LATS1: variants seen among roughly 807,000 people sequenced by gnomAD.
The protein encoded by LATS1 is large tumor suppressor kinase 1.
LATS1 carries 25 observed loss-of-function variants against 106.6 expected under a neutral mutation model. The ratio of observed to expected loss-of-function variants is 0.23; its 90% CI spans 0.17 to 0.33. The LOEUF is 0.33. Ranked by LOEUF, LATS1 falls within the 10% of genes least tolerant of loss-of-function variation. The pLI is 1.00. For missense variants in LATS1, 1,040 were observed against 1,382.6 expected, an observed-to-expected ratio of 0.75 and a Z score of 3.93; for synonymous variants, 465 against 455.6, an observed-to-expected ratio of 1.02 and a Z score of -0.26.
intron 3 of LATS1, among the ~76,000 whole-genome samples, chr6:149,685,265 A>G (rs990191227): frequency 7.9e-5 from 12 of 152,122 alleles, no homozygotes; most frequent in Admixed American, 7.9e-4. Context: ...ATTTTTGAAG[A>G]GATATAATTT....
At position 149,674,935 on chromosome 6, in the gene LATS1, G is replaced by A. The variant is rs150532438; in HGVS notation, c.2883+1325C>T. Among the ~76,000 whole-genome samples the A allele has an allele frequency of 2.1e-4, 32 of 151,954 alleles. 1 individual carries two copies. The South Asian group carries it at 4.6e-3, about 22-fold the overall frequency. ...AATAAAGTGCTGGGATTACAGACAT[G>A]AGCCATCATGTCTGGCCCTCAAAGA... On this transcript the variant is annotated intron_variant, in intron 7 of 7. Coordinates refer to ENST00000543571, the MANE Select transcript of LATS1 (RefSeq NM_004690.4).
intron 5 of LATS1, among the ~76,000 whole-genome samples, chr6:149,679,322 C>T (rs918818397): frequency 1.3e-5 from 2 of 151,982 alleles, no homozygotes; most frequent in African/African-American, 2.4e-5. Context: ...GTGGCTGAGA[C>T]AGGTGGATCA....
chr6:149,718,085 C>G lies in LATS1; in HGVS notation c.-377G>C. ...CATTTTGCCTTCCACTCAGTGTCGCCGCCGCCGCACTCCGCTGCAGGTTTC... is the reference window on the plus strand; with the variant it reads ...CATTTTGCCTTCCACTCAGTGTCGCGGCCGCCGCACTCCGCTGCAGGTTTC... On this transcript the variant is annotated 5_prime_UTR_variant, in exon 1 of 8. Coordinates refer to ENST00000543571, the MANE Select transcript of LATS1 (RefSeq NM_004690.4). The G allele has an allele frequency of 6.7e-6, 2 of 297,404 alleles. No homozygotes were observed. The highest frequency in any genetic ancestry group is 4.8e-5 in the South Asian group (2 of 41,826). The allele number at this position is 297,404 out of a possible 1,614,324, so 18.4% of individuals were successfully genotyped here.
chr6:149,661,998 C>T lies in LATS1; in HGVS notation c.3124G>A (p.Val1042Ile). 6.2e-7 allele frequency: 1 copy of T among 1,614,116 alleles called. No homozygotes were observed. Among genetic ancestry groups the T allele is most frequent in the Non-Finnish European group, 8.5e-7 (1 of 1,180,022 alleles). The change falls in exon 8 of 8, where the codon GTT (valine) becomes ATT (isoleucine). Residue 1042 changes from valine to isoleucine, a missense_variant. Physicochemically the swap from Val to Ile is conservative, Grantham distance 29. Transcript: ENST00000543571. ...HPTDTSNFDP[V>I]DPDKLWSDDN... is the part of the protein sequence containing the mutation. ...TCACTCCATAATTTATCAGGATCAA[C>T]AGGATCAAAATTTGATGTATCTGTT... is the stretch of plus-strand genomic sequence containing the variant.
intron 1 of LATS1, among the ~76,000 whole-genome samples, chr6:149,711,559 A>T (rs904568398): frequency 6.6e-6 from 1 of 151,388 alleles, no homozygotes; most frequent in Admixed American, 6.6e-5. Flanking sequence ...ACAAAATGAA[A>T]TTTTTTTTTC....
At chr6:149,701,727 T>C (rs1783470620) in intron 2 of LATS1, 52 bp downstream of exon 2, 1 of 1,361,678 alleles carries the variant, frequency 7.3e-7, no homozygotes, top group Non-Finnish European at 1.0e-6. Flanking sequence ...CAAAAAGTGT[T>C]ATGTAGCATA....
chr6:149,695,440 GAGGTGGTC>G (rs1279488335), intron 2 of LATS1, among the ~76,000 whole-genome samples: 2 of 151,940 alleles, frequency 1.3e-5, no homozygotes, highest in Admixed American at 6.6e-5. Flanking sequence ...TTGGGAGGCC[GAGGTGGTC>G]AGATCACTTA....
chr6:149,664,928 G>C (rs1319149251), intron 7 of LATS1, among the ~76,000 whole-genome samples: 2 of 152,112 alleles, frequency 1.3e-5, no homozygotes, highest in African/African-American at 4.8e-5. Flanking sequence ...TGAGCACAGA[G>C]AGCTCTAGGA....
intron 2 of LATS1, among the ~76,000 whole-genome samples, chr6:149,695,512 C>T (rs1312935889): frequency 1.3e-5 from 2 of 151,836 alleles, no homozygotes; most frequent in East Asian, 3.9e-4. Context: ...CCAGTCTCTG[C>T]AAAAAAACAC....
At chr6:149,694,398 C>T (rs1259817701) in intron 3 of LATS1, among the ~76,000 whole-genome samples, 1 of 152,134 alleles carries the variant, frequency 6.6e-6, no homozygotes, top group Non-Finnish European at 1.5e-5. Flanking sequence ...GTGGCAGGAT[C>T]ACCCGGGCTT....
At chr6:149,695,500 A>G (rs1783008231) in intron 2 of LATS1, among the ~76,000 whole-genome samples, 1 of 151,984 alleles carries the variant, frequency 6.6e-6, no homozygotes, top group African/African-American at 2.4e-5. Flanking sequence ...ATGGTAAAAA[A>G]CCCAGTCTCT....
chr6:149,671,398 T>C (rs142407626), intron 7 of LATS1, among the ~76,000 whole-genome samples: 1 of 152,124 alleles, frequency 6.6e-6, no homozygotes, highest in East Asian at 1.9e-4. Flanking sequence ...CCTCCCAAAG[T>C]GCTAGGATTA....
chr6:149,717,148 T>A (rs537019428), intron 1 of LATS1, among the ~76,000 whole-genome samples: 1 of 152,342 alleles, frequency 6.6e-6, no homozygotes, highest in African/African-American at 2.4e-5. Flanking sequence ...AAAGCCGTAT[T>A]AACATATGAG....
intron 3 of LATS1, among the ~76,000 whole-genome samples, chr6:149,685,033 C>T (rs560056189): frequency 2.2e-4 from 33 of 151,918 alleles, no homozygotes; most frequent in Non-Finnish European, 1.9e-4. Flanking sequence ...GCCAGGAGTT[C>T]GAGACCAGCC....
chr6:149,660,690 T>C lies in LATS1; in HGVS notation c.*1039A>G. 8.7e-6 allele frequency: 2 copies of C among 230,346 alleles called. No individual in the cohort carries two copies. The highest frequency in any genetic ancestry group is 1.7e-5 in the Non-Finnish European group (2 of 116,280). 14.3% of individuals were successfully genotyped at this position (230,346 alleles called of 1,614,324 possible). A position where few individuals can be genotyped will look rare whatever the true frequency, so the allele number is the denominator to read the frequency against. ...GACTTGAATTTTCTACTAAGACCAC[T>C]CTGTAAACTTTCCTAATTATTAATG... is the stretch of plus-strand genomic sequence containing the variant. On this transcript the variant is annotated 3_prime_UTR_variant, in exon 8 of 8. Coordinates refer to ENST00000543571, the MANE Select transcript of LATS1 (RefSeq NM_004690.4).
chr6:149,700,871 C>T (rs1783415024), intron 2 of LATS1, among the ~76,000 whole-genome samples: 1 of 152,196 alleles, frequency 6.6e-6, no homozygotes, highest in South Asian at 2.1e-4. Flanking sequence ...GTAACCTCTG[C>T]CTCCCGGGTT....
chr6:149,702,627 A>C (rs1285977926), intron 1 of LATS1, among the ~76,000 whole-genome samples: 1 of 152,130 alleles, frequency 6.6e-6, no homozygotes, highest in Non-Finnish European at 1.5e-5. Flanking sequence ...ATCAGACTTC[A>C]AGATTTCTTT....
intron 2 of LATS1, among the ~76,000 whole-genome samples, chr6:149,696,497 T>TGCA (rs1372806004): frequency 7.4e-6 from 1 of 135,174 alleles, no homozygotes; most frequent in African/African-American, 2.8e-5. Context: ...AGGTGGAGGT[T>TGCA]GCAGTGAGTA....
rs1325999073 is a variant in LATS1, at chr6:149,684,236, T to C, written c.853A>G (p.Ile285Val). The C allele has an allele frequency of 9.3e-6, 15 of 1,614,100 alleles. No homozygotes were observed. The highest frequency in any genetic ancestry group is 1.7e-5 in the Admixed American group (1 of 60,008). The change falls in exon 4 of 8, where the codon ATC becomes GTC. Residue 285 changes from isoleucine to valine, a missense_variant. Ile to Val is a conservative substitution (Grantham distance 29). Around this residue, in one of 7 missense-constraint regions of LATS1, gnomAD observed 624 missense variants for 714.8 expected, o/e 0.87. Coordinates refer to ENST00000543571, the MANE Select transcript of LATS1 (RefSeq NM_004690.4). ...GGTGGGACAGGAGAGATTCGGGAGA[T>C]TACGTATTCCATGTTTCCAGAATAG... ...KRYSGNMEYV[I>V]SRISPVPPGA...
Sources: gnomAD v4.1 joint callset for allele counts (sites outside exome capture counted in the v4.1 genomes callset) on GRCh38, gnomAD v4.1.1 for gene constraint, gnomAD v4.1.1 regional missense constraint, MANE v1.5 for transcripts, NCBI Gene and HGNC (gene_info 2026-07-23, HGNC 2026-07-21) for gene names.